ROBO1: variants seen among roughly 807,000 people sequenced by gnomAD.
The protein encoded by ROBO1 is roundabout homolog 1.
A neutral mutation model predicts 195.9 loss-of-function variants in ROBO1; 149 were observed. The ratio of observed to expected loss-of-function variants is 0.76; its 90% CI spans 0.67 to 0.87. ROBO1 has a LOEUF of 0.87. Among genes scored for constraint, ROBO1 ranks in the 40% least tolerant of loss-of-function variants. The pLI is 0.00. For synonymous variants in ROBO1, 816 were observed against 733.2 expected (o/e 1.11, Z -1.82); for missense variants, 1,933 against 2,068.3 (o/e 0.93, Z 1.27).
intron 3 of ROBO1, among the ~76,000 whole-genome samples, chr3:78,984,782 A>C (rs942081474): frequency 1.2e-4 from 18 of 152,218 alleles, no homozygotes; most frequent in Non-Finnish European, 2.6e-4. Flanking sequence ...CATTAGCATA[A>C]AAGGGCAGTA....
At chr3:79,737,455 C>T (rs1045492707) in intron 1 of ROBO1, among the ~76,000 whole-genome samples, 5 of 152,100 alleles carry the variant, frequency 3.3e-5, no homozygotes, top group Admixed American at 1.3e-4. Flanking sequence ...TGTTAATCAA[C>T]TCAACAAATA....
chr3:79,458,941 G>A (rs1004099853), intron 2 of ROBO1, among the ~76,000 whole-genome samples: 6 of 151,892 alleles, frequency 4.0e-5, no homozygotes, highest in African/African-American at 1.4e-4. Flanking sequence ...CTATTACTAG[G>A]AAAGCAATAA....
intron 4 of ROBO1, among the ~76,000 whole-genome samples, chr3:78,792,374 A>G (rs912563552): frequency 6.6e-6 from 1 of 152,218 alleles, no homozygotes; most frequent in Non-Finnish European, 1.5e-5. Context: ...GTTTTAAAAC[A>G]TGATTTATTA....
At chr3:78,888,773 G>A (rs2036714697) in intron 4 of ROBO1, among the ~76,000 whole-genome samples, 1 of 152,104 alleles carries the variant, frequency 6.6e-6, no homozygotes, top group Non-Finnish European at 1.5e-5. Context: ...TCAGGTCATG[G>A]TGATCCAACC....
chr3:79,254,579 C>T (rs1458501909), intron 2 of ROBO1, among the ~76,000 whole-genome samples: 2 of 152,030 alleles, frequency 1.3e-5, no homozygotes, highest in African/African-American at 2.4e-5. Flanking sequence ...AAAGATAATA[C>T]CTGGCCCAGT....
intron 2 of ROBO1, among the ~76,000 whole-genome samples, chr3:79,564,463 T>G (rs1943027335): frequency 6.6e-6 from 1 of 152,110 alleles, no homozygotes; most frequent in South Asian, 2.1e-4. Context: ...CATAAATTTC[T>G]GTTTGTCAGA....
intron 2 of ROBO1, among the ~76,000 whole-genome samples, chr3:79,193,217 T>C (rs908492796): frequency 2.6e-5 from 4 of 151,668 alleles, no homozygotes; most frequent in African/African-American, 9.7e-5. Flanking sequence ...GGCATCTAGG[T>C]ATTGAAATGT....
intron 2 of ROBO1, among the ~76,000 whole-genome samples, chr3:79,240,703 G>A (rs931721587): frequency 6.6e-6 from 1 of 152,084 alleles, no homozygotes; most frequent in South Asian, 2.1e-4. Context: ...CTGGAGTGCA[G>A]TGGCCTGATC....
intron 2 of ROBO1, among the ~76,000 whole-genome samples, chr3:79,550,389 C>T (rs1559984865): frequency 6.6e-6 from 1 of 152,046 alleles, no homozygotes; most frequent in Non-Finnish European, 1.5e-5. Context: ...CATGATAAGT[C>T]AAAGCACATG....
At chr3:79,281,846 G>T (rs2109003491) in intron 2 of ROBO1, among the ~76,000 whole-genome samples, 1 of 152,244 alleles carries the variant, frequency 6.6e-6, no homozygotes, top group South Asian at 2.1e-4. Flanking sequence ...AAGTAATATG[G>T]CTCAAGGAAA....
intron 3 of ROBO1, 74 bp downstream of exon 3, chr3:79,125,382 T>C (rs2080195765): frequency 3.4e-6 from 4 of 1,189,576 alleles, no homozygotes; most frequent in Middle Eastern, 1.9e-4. Flanking sequence ...ATTAATTTTA[T>C]ACAGGTGGTT....
At chr3:79,181,861 G>A (rs116085615) in intron 2 of ROBO1, among the ~76,000 whole-genome samples, 260 of 150,982 alleles carry the variant, frequency 1.7e-3, no homozygotes, top group African/African-American at 6.1e-3. Flanking sequence ...GGGAGGTGGA[G>A]GCTGCACTGA....
chr3:78,888,201 A>G (rs1317538394), intron 4 of ROBO1, among the ~76,000 whole-genome samples: 1 of 152,234 alleles, frequency 6.6e-6, no homozygotes, highest in Non-Finnish European at 1.5e-5. Flanking sequence ...CGACAAAGTC[A>G]ACTACTGAAA....
At position 78,741,680 on chromosome 3, in the gene ROBO1, T is replaced by C. The variant is rs146971465; in HGVS notation, c.657+5063A>G. On this transcript the variant is annotated intron_variant, in intron 5 of 30. Coordinates refer to ENST00000464233, the MANE Select transcript of ROBO1 (RefSeq NM_002941.4). ...TTTTCAAAGACATCCAAAAGAACACTTTAGTCCTCCGATTCATCTGTATAA... is the reference window on the plus strand; with the variant it reads ...TTTTCAAAGACATCCAAAAGAACACCTTAGTCCTCCGATTCATCTGTATAA... Among the ~76,000 whole-genome samples, 450 of 152,244 alleles carry C rather than the reference T, an allele frequency of 3.0e-3. 5 individuals carry two copies. Among genetic ancestry groups the C allele is most frequent in the African/African-American group, 9.9e-3 (412 of 41,556 alleles).
intron 2 of ROBO1, among the ~76,000 whole-genome samples, chr3:79,572,554 G>A (rs1028231227): frequency 8.6e-5 from 13 of 151,530 alleles, no homozygotes; most frequent in African/African-American, 3.1e-4. Context: ...CTTTTTTTAA[G>A]ACAAATTATC....
intron 3 of ROBO1, among the ~76,000 whole-genome samples, chr3:79,055,614 A>C (rs2078790797): frequency 6.6e-6 from 1 of 152,062 alleles, no homozygotes; most frequent in South Asian, 2.1e-4. Context: ...ATTTACTGGC[A>C]CAATGGGGGG....
In ROBO1 at chr3:78,721,946, A is replaced by G. The variant is rs149121894; in HGVS notation, c.658-4063T>C. 2.1e-3 allele frequency among the ~76,000 whole-genome samples: 317 copies of G among 152,296 alleles called. 3 individuals carry two copies. The highest frequency in any genetic ancestry group is 7.3e-3 in the African/African-American group (302 of 41,586). On this transcript the variant is annotated intron_variant, in intron 5 of 30. Coordinates refer to ENST00000464233, the MANE Select transcript of ROBO1 (RefSeq NM_002941.4). ...TTTAGTTAACAAGAGTAATGAGGGC[A>G]CTGCCAGGAGATTCACAGACATGAA...
chr3:79,602,885 T>C (rs1001012656), intron 1 of ROBO1, among the ~76,000 whole-genome samples: 1 of 152,018 alleles, frequency 6.6e-6, no homozygotes, highest in African/African-American at 2.4e-5. Flanking sequence ...TCTAGTATTT[T>C]GTAGAAAAAA....
intron 2 of ROBO1, among the ~76,000 whole-genome samples, chr3:79,408,603 T>C (rs563968159): frequency 7.9e-5 from 12 of 152,230 alleles, no homozygotes; most frequent in African/African-American, 2.6e-4. Flanking sequence ...TGAGAAGGTC[T>C]TTATCAGTTC....
Sources: allele counts gnomAD v4.1 joint callset (sites outside exome capture counted in the v4.1 genomes callset), GRCh38; gene constraint gnomAD v4.1.1; transcripts MANE v1.5; gene names NCBI Gene and HGNC (gene_info 2026-07-23, HGNC 2026-07-21).